The following ATR variants were observed in gnomAD, a reference collection of about 807,000 sequenced individuals.
ATR encodes ATR checkpoint kinase, also known as serine/threonine-protein kinase ATR.
A neutral mutation model predicts 305.3 loss-of-function variants in ATR; 142 were observed. That is an observed-to-expected ratio of 0.47 (90% confidence interval 0.41 to 0.53). ATR has a LOEUF of 0.53. Among genes scored for constraint, ATR ranks in the 20% least tolerant of loss-of-function variants. The pLI is 0.00. For missense variants in ATR, 2,135 were observed against 3,133.1 expected, an observed-to-expected ratio of 0.68 and a Z score of 7.60; for synonymous variants, 1,050 against 1,068.1, an observed-to-expected ratio of 0.98 and a Z score of 0.33.
intron 44 of ATR, 54 bp from the exon 45 acceptor site, chr3:142,457,809 T>C (rs2070939289): frequency 2.5e-6 from 4 of 1,590,076 alleles, no homozygotes; most frequent in East Asian, 2.2e-5. Flanking sequence ...TTAAAAATCT[T>C]TACTCAAAGA....
chr3:142,572,230 C>T (rs1041133143), intron 1 of ATR, among the ~76,000 whole-genome samples: 1 of 151,878 alleles, frequency 6.6e-6, no homozygotes, highest in African/African-American at 2.4e-5. Context: ...CCACCACGCC[C>T]GGCTAATTTT....
intron 32 of ATR, 51 bp downstream of exon 32, chr3:142,498,546 G>T (rs1341804574): frequency 1.3e-6 from 2 of 1,584,784 alleles, no homozygotes; most frequent in East Asian, 4.5e-5. Flanking sequence ...TTCCAATCCT[G>T]TCAGGTGACA....
intron 46 of ATR, chr3:142,450,668 C>A: frequency 6.2e-7 from 1 of 1,601,648 alleles, no homozygotes. Flanking sequence ...CAGTATTATG[C>A]AATTTAAAAA....
At position 142,452,352 on chromosome 3, in the gene ATR, G is replaced by A. The variant is rs997858899; in HGVS notation, c.7761+776C>T. The A allele has an allele frequency of 2.9e-5, 29 of 986,518 alleles. No homozygotes were observed. In the East Asian group the frequency reaches 5.7e-4, roughly 19 times the overall value. The allele number at this position is 986,518 out of a possible 1,614,324, so 61.1% of individuals were successfully genotyped here. A position where few individuals can be genotyped will look rare whatever the true frequency, so the allele number is the denominator to read the frequency against. On this transcript the variant is annotated intron_variant, in intron 46 of 46. Coordinates refer to ENST00000350721, the MANE Select transcript of ATR (RefSeq NM_001184.4). ...AAGAGTGCCCCCCACCAAAAAAAAC[G>A]AATCCTCAATCTATTCTAACTTATT...
chr3:142,500,731 A>C (rs2031914388), intron 30 of ATR, among the ~76,000 whole-genome samples: 1 of 152,180 alleles, frequency 6.6e-6, no homozygotes, highest in African/African-American at 2.4e-5. Flanking sequence ...TATGACCACC[A>C]CCAAAAACAG....
At chr3:142,568,803 T>C (rs1429326441) in intron 1 of ATR, among the ~76,000 whole-genome samples, 1 of 152,238 alleles carries the variant, frequency 6.6e-6, no homozygotes. Flanking sequence ...CCAGGTGTTG[T>C]CAGGACCAGG....
chr3:142,572,119 G>A (rs535122234), intron 1 of ATR, among the ~76,000 whole-genome samples: 33 of 151,248 alleles, frequency 2.2e-4, no homozygotes, highest in Non-Finnish European at 1.5e-4. Context: ...GCCCAGGCTG[G>A]AGCGCAGTGG....
intron 34 of ATR, among the ~76,000 whole-genome samples, chr3:142,494,639 T>C (rs944680099): frequency 2.6e-5 from 4 of 152,162 alleles, no homozygotes; most frequent in African/African-American, 9.7e-5. Flanking sequence ...AATAATAATT[T>C]TAATTGGAAG....
intron 24 of ATR, among the ~76,000 whole-genome samples, chr3:142,515,830 T>C (rs1442610644): frequency 6.6e-6 from 1 of 152,214 alleles, no homozygotes; most frequent in African/African-American, 2.4e-5. Flanking sequence ...TATGGGTAAC[T>C]ATGCAACACA....
intron 21 of ATR, among the ~76,000 whole-genome samples, chr3:142,529,370 T>A (rs191895446): frequency 6.6e-6 from 1 of 152,320 alleles, no homozygotes; most frequent in Admixed American, 6.5e-5. Context: ...CAACAATTAC[T>A]GAGCTTATCT....
At chr3:142,511,911 C>G (rs1559952299) in intron 27 of ATR, among the ~76,000 whole-genome samples, 1 of 151,692 alleles carries the variant, frequency 6.6e-6, no homozygotes, top group Non-Finnish European at 1.5e-5. Flanking sequence ...GTCAGGAGTT[C>G]GAGACCAGTC....
Position 142,515,256 on chromosome 3 carries a change from G to T in ATR, c.4503+139C>A, listed in dbSNP as rs554684405. 925 of 1,150,022 alleles carry T rather than the reference G, an allele frequency of 8.0e-4. 1 individual carries two copies. Among genetic ancestry groups the T allele is most frequent in the Middle Eastern group, 1.7e-3 (7 of 4,004 alleles). 71.2% of individuals were successfully genotyped at this position (1,150,022 alleles called of 1,614,324 possible). A position where few individuals can be genotyped will look rare whatever the true frequency, so the allele number is the denominator to read the frequency against. Reference sequence around the variant, plus strand: ...ACAGAGAAATTATTATTCTCTATTAGTTAACATTTTCTTCAAAAATTTCTA... The same window carrying T: ...ACAGAGAAATTATTATTCTCTATTATTTAACATTTTCTTCAAAAATTTCTA... On this transcript the variant is annotated intron_variant, in intron 25 of 46. Transcript: ENST00000350721.
chr3:142,577,309 A>C (rs2108510748), intron 1 of ATR, among the ~76,000 whole-genome samples: 1 of 152,358 alleles, frequency 6.6e-6, no homozygotes, highest in Middle Eastern at 3.4e-3. Flanking sequence ...GGAAGACAGA[A>C]GAGGGAAGAG....
chr3:142,541,070 T>C (rs751104193), intron 17 of ATR, 36 bp from the exon 18 acceptor site: 74 of 1,611,940 alleles, frequency 4.6e-5, no homozygotes, highest in Non-Finnish European at 6.1e-5. Context: ...GTAAAGCTTA[T>C]AAACATGCTG....
chr3:142,482,704 C>T (rs1410155511), intron 36 of ATR, among the ~76,000 whole-genome samples: 3 of 151,906 alleles, frequency 2.0e-5, no homozygotes, highest in African/African-American at 7.3e-5. Flanking sequence ...GGCATGGTGG[C>T]ATGTGCCTAT....
chr3:142,449,707 C>T, intron 46 of ATR, 105 bp from the exon 47 acceptor site: 1 of 1,194,090 alleles, frequency 8.4e-7, no homozygotes, highest in Non-Finnish European at 1.2e-6. Flanking sequence ...TTTTACTGAC[C>T]AATACCCCTT....
intron 7 of ATR, 58 bp downstream of exon 7, chr3:142,559,193 T>A (rs2034790883): frequency 6.4e-7 from 1 of 1,560,200 alleles, no homozygotes; most frequent in Non-Finnish European, 8.8e-7. Flanking sequence ...AAAGAAAGCA[T>A]ATTTCTATAC....
At chr3:142,572,106 G>A (rs1423898121) in intron 1 of ATR, among the ~76,000 whole-genome samples, 1 of 150,052 alleles carries the variant, frequency 6.7e-6, no homozygotes, top group African/African-American at 2.5e-5. Flanking sequence ...GTCTCGCTCT[G>A]TCGCCCAGGC....
At chr3:142,453,097 C>T (rs2108249548) in intron 46 of ATR, 31 bp downstream of exon 46, 1 of 1,613,566 alleles carries the variant, frequency 6.2e-7, no homozygotes, top group Admixed American at 1.7e-5. Flanking sequence ...ATGAGGACTA[C>T]AGCCCATATC....
Sources: allele counts gnomAD v4.1 joint callset (sites outside exome capture counted in the v4.1 genomes callset), GRCh38; gene constraint gnomAD v4.1.1; transcripts MANE v1.5; gene names NCBI Gene and HGNC (gene_info 2026-07-23, HGNC 2026-07-21).